Variants in PELI2 observed in about 807,000 individuals in gnomAD.
PELI2 encodes pellino E3 ubiquitin protein ligase family member 2.
A neutral mutation model predicts 42.3 loss-of-function variants in PELI2; 23 were observed. The observed-to-expected ratio is 0.54, with a 90% CI of 0.39 to 0.77. The LOEUF (loss-of-function observed/expected upper bound fraction) is 0.77, where lower values mean the gene tolerates loss of function less well. Among genes scored for constraint, PELI2 ranks in the 30% least tolerant of loss-of-function variants. The probability of loss-of-function intolerance (pLI) is 0.00; values close to 1 mark genes in which losing one functional copy is unlikely to be tolerated. For synonymous variants in PELI2, 245 were observed against 212.2 expected (o/e 1.15, Z -1.34); for missense variants, 463 against 553.2 (o/e 0.84, Z 1.64).
intron 2 of PELI2, among the ~76,000 whole-genome samples, chr14:56,217,782 C>T (rs748645316): frequency 1.3e-5 from 2 of 152,154 alleles, no homozygotes; most frequent in Admixed American, 6.5e-5. Flanking sequence ...CTTGGCCCAA[C>T]GTGCTGTCAC....
At position 56,219,187 on chromosome 14, in the gene PELI2, GTTTA is replaced by G. The variant is rs574069007; in HGVS notation, c.207+40739_207+40742del. On this transcript the variant is annotated intron_variant, in intron 2 of 5. Coordinates refer to ENST00000267460, the MANE Select transcript of PELI2 (RefSeq NM_021255.3). The surrounding 1 kb of genome is among the most constrained non-coding windows in gnomAD (Gnocchi z 4.1). ...ATGACTTGAGGACAATAAGGTGTTTGTTTATTTATTTATTTATTTTGGTTTTAAG... is the reference window on the plus strand; with the variant it reads ...ATGACTTGAGGACAATAAGGTGTTTGTTTATTTATTTATTTTGGTTTTAAG... Among the ~76,000 whole-genome samples, 1 of 151,264 alleles carries G rather than the reference GTTTA, an allele frequency of 6.6e-6. No homozygotes were observed. The highest frequency in any genetic ancestry group is 2.4e-5 in the African/African-American group (1 of 40,894).
intron 5 of PELI2, among the ~76,000 whole-genome samples, chr14:56,296,007 T>A (rs1433690736): frequency 6.6e-6 from 1 of 152,276 alleles, no homozygotes; most frequent in Non-Finnish European, 1.5e-5. Context: ...ATCAGTCTTA[T>A]AAGCACTTAG....
chr14:56,214,131 G>A (rs553818741), intron 2 of PELI2, among the ~76,000 whole-genome samples: 2 of 152,186 alleles, frequency 1.3e-5, no homozygotes, highest in African/African-American at 4.8e-5. Flanking sequence ...GGGATTACAG[G>A]TGTGAGCCAC....
chr14:56,149,326 T>C (rs1259713116), intron 1 of PELI2, among the ~76,000 whole-genome samples: 2 of 152,236 alleles, frequency 1.3e-5, no homozygotes, highest in Non-Finnish European at 2.9e-5. Flanking sequence ...CCTGTTTAAC[T>C]TTCTTCTTAT....
intron 2 of PELI2, among the ~76,000 whole-genome samples, chr14:56,256,921 C>CT (rs1220713207): frequency 3.3e-5 from 5 of 152,132 alleles, no homozygotes; most frequent in African/African-American, 4.8e-5. Context: ...TGCCAGCTGT[C>CT]TAACTAGCTA....
intron 2 of PELI2, among the ~76,000 whole-genome samples, chr14:56,245,954 G>C (rs1178278374): frequency 6.6e-6 from 1 of 152,104 alleles, no homozygotes; most frequent in Admixed American, 6.5e-5. Context: ...CTCAGATTTT[G>C]GTATCTGCAG....
chr14:56,143,095 GT>G (rs1883977289), intron 1 of PELI2, among the ~76,000 whole-genome samples: 1 of 151,978 alleles, frequency 6.6e-6, no homozygotes, highest in Non-Finnish European at 1.5e-5. Flanking sequence ...CATTGCATTG[GT>G]TGTCATGTCT....
Position 56,226,250 on chromosome 14 carries a change from G to A in PELI2, c.207+47786G>A, listed in dbSNP as rs79485455. Among the ~76,000 whole-genome samples, 1,080 of 152,258 alleles carry A rather than the reference G, an allele frequency of 7.1e-3. 18 individuals are homozygous for A. Among genetic ancestry groups the A allele is most frequent in the African/African-American group, 0.024 (1,009 of 41,552 alleles). Reference sequence around the variant, plus strand: ...TTCGCTCCCAGGTTCTTGCACATGCGTGGCTAACCCAGGCCCAGGCTGCTT... The same window carrying A: ...TTCGCTCCCAGGTTCTTGCACATGCATGGCTAACCCAGGCCCAGGCTGCTT... On this transcript the variant is annotated intron_variant, in intron 2 of 5. Transcript: ENST00000267460.
intron 1 of PELI2, among the ~76,000 whole-genome samples, chr14:56,141,336 G>A (rs998548254): frequency 6.6e-6 from 1 of 152,184 alleles, no homozygotes; most frequent in African/African-American, 2.4e-5. Context: ...TGCCCTCAGG[G>A]CTTTTGTCAG....
intron 2 of PELI2, among the ~76,000 whole-genome samples, chr14:56,248,732 G>T (rs1888244294): frequency 6.6e-6 from 1 of 151,922 alleles, no homozygotes; most frequent in South Asian, 2.1e-4. Context: ...GAAAAGGGGT[G>T]ACTCTAATCA....
intron 2 of PELI2, among the ~76,000 whole-genome samples, chr14:56,196,524 A>G (rs1234050365): frequency 1.3e-5 from 2 of 152,250 alleles, no homozygotes; most frequent in African/African-American, 2.4e-5. Context: ...AAAGAAAAAA[A>G]TCTGCAACCT....
At chr14:56,164,158 G>A (rs777620443) in intron 1 of PELI2, among the ~76,000 whole-genome samples, 8 of 152,024 alleles carry the variant, frequency 5.3e-5, no homozygotes, top group Non-Finnish European at 1.2e-4. Flanking sequence ...TCCCCATTCC[G>A]TATGATACTA....
At position 56,118,644 on chromosome 14, in the gene PELI2, C is replaced by T; in HGVS notation, c.-17C>T. On this transcript the variant is annotated 5_prime_UTR_variant, in exon 1 of 6. Coordinates refer to ENST00000267460, the MANE Select transcript of PELI2 (RefSeq NM_021255.3). The stretch of plus-strand genomic sequence containing the variant: ...GCGGCGGCGTCGGCGGCGGCGTCGG[C>T]GGCCGAGCGGGGCTCCATGTTTTCC... The T allele has an allele frequency of 1.5e-6, 2 of 1,377,810 alleles. No homozygotes were observed. Among genetic ancestry groups the T allele is most frequent in the Non-Finnish European group, 1.9e-6 (2 of 1,059,252 alleles). The allele number at this position is 1,377,810 out of a possible 1,614,324, so 85.3% of individuals were successfully genotyped here. A position where few individuals can be genotyped will look rare whatever the true frequency, so the allele number is the denominator to read the frequency against.
intron 2 of PELI2, among the ~76,000 whole-genome samples, chr14:56,203,117 T>G (rs557348469): frequency 2.0e-4 from 30 of 152,108 alleles, no homozygotes; most frequent in African/African-American, 5.6e-4. Context: ...ATGTAGAAAA[T>G]TGCCGAAAGA....
chr14:56,183,717 C>G (rs1373644178), intron 2 of PELI2, among the ~76,000 whole-genome samples: 1 of 152,124 alleles, frequency 6.6e-6, no homozygotes, highest in Non-Finnish European at 1.5e-5. Flanking sequence ...ATGCAATATT[C>G]AAGACTTCAA....
intron 3 of PELI2, among the ~76,000 whole-genome samples, chr14:56,283,938 A>G (rs927884098): frequency 2.0e-5 from 3 of 152,232 alleles, no homozygotes; most frequent in Non-Finnish European, 4.4e-5. Context: ...TAACAAGTTT[A>G]TATTTCCAAA....
intron 1 of PELI2, among the ~76,000 whole-genome samples, chr14:56,163,231 T>G (rs936586162): frequency 1.3e-5 from 2 of 152,210 alleles, no homozygotes; most frequent in African/African-American, 4.8e-5. Context: ...AAATCTTTAA[T>G]GCATTTTGAT....
intron 1 of PELI2, among the ~76,000 whole-genome samples, chr14:56,121,066 C>A (rs1883041566): frequency 6.6e-6 from 1 of 152,126 alleles, no homozygotes; most frequent in Non-Finnish European, 1.5e-5. Context: ...ACAACAATAA[C>A]ATTCACATAG....
At chr14:56,157,985 A>G (rs1339044523) in intron 1 of PELI2, among the ~76,000 whole-genome samples, 1 of 152,160 alleles carries the variant, frequency 6.6e-6, no homozygotes, top group African/African-American at 2.4e-5. Flanking sequence ...GATAGGGCCA[A>G]TGTTACTATG....
Sources: allele counts gnomAD v4.1 joint callset (sites outside exome capture counted in the v4.1 genomes callset), GRCh38; gene constraint gnomAD v4.1.1; non-coding constraint Gnocchi (gnomAD v3.1); transcripts MANE v1.5; gene names NCBI Gene and HGNC (gene_info 2026-07-23, HGNC 2026-07-21).